Variants in ELMO1 observed in about 807,000 individuals in gnomAD.
ELMO1 encodes the protein engulfment and cell motility protein 1.
In ELMO1, 26 loss-of-function variants were observed where a neutral mutation model predicts 98.9. The observed-to-expected ratio is 0.26, with a 90% CI of 0.19 to 0.36. ELMO1 has a LOEUF of 0.36. Ranked by LOEUF, ELMO1 falls within the 10% of genes least tolerant of loss-of-function variation. ELMO1 has a pLI of 1.00. For missense variants in ELMO1, 627 were observed against 935.2 expected (o/e 0.67, Z 4.30); for synonymous variants, 346 against 346.0 (o/e 1.00, Z 0.00).
intron 14 of ELMO1, among the ~76,000 whole-genome samples, chr7:37,119,073 G>A (rs1444737748): frequency 6.6e-6 from 1 of 152,182 alleles, no homozygotes; most frequent in Admixed American, 6.5e-5. Context: ...AATGCAAACA[G>A]TAACAGTGGC....
At chr7:37,112,017 G>C (rs1785279207) in intron 14 of ELMO1, among the ~76,000 whole-genome samples, 1 of 152,074 alleles carries the variant, frequency 6.6e-6, no homozygotes, top group Non-Finnish European at 1.5e-5. Context: ...CAAGGAAAAA[G>C]AGATTCCTTC....
chr7:36,962,939 T>C (rs1221014427), intron 16 of ELMO1, among the ~76,000 whole-genome samples: 1 of 151,728 alleles, frequency 6.6e-6, no homozygotes, highest in Admixed American at 6.6e-5. Flanking sequence ...AGTGAGAAAA[T>C]TGGAAAAGTG....
intron 17 of ELMO1, among the ~76,000 whole-genome samples, chr7:36,891,207 A>G: frequency 6.6e-6 from 1 of 152,186 alleles, no homozygotes; most frequent in East Asian, 1.9e-4. Context: ...TCTCCCTACT[A>G]AAATATAATC....
intron 16 of ELMO1, among the ~76,000 whole-genome samples, chr7:36,961,310 CA>C (rs889055975): frequency 2.0e-5 from 3 of 152,030 alleles, no homozygotes; most frequent in Admixed American, 2.0e-4. Context: ...CACGGGGACA[CA>C]GTATGAATAA....
chr7:36,936,409 T>C (rs1282907544), intron 16 of ELMO1, among the ~76,000 whole-genome samples: 2 of 152,222 alleles, frequency 1.3e-5, no homozygotes, highest in South Asian at 2.1e-4. Context: ...GAATTCTACC[T>C]TAGTCTGGCT....
intron 16 of ELMO1, among the ~76,000 whole-genome samples, chr7:36,960,626 CTTCT>C (rs530554251): frequency 1.2e-3 from 181 of 151,804 alleles, no homozygotes; most frequent in African/African-American, 4.1e-3. Context: ...CCCCTTAAAC[CTTCT>C]TTATTTTTTT....
At chr7:37,044,533 G>T (rs1298114048) in intron 15 of ELMO1, among the ~76,000 whole-genome samples, 1 of 152,172 alleles carries the variant, frequency 6.6e-6, no homozygotes, top group Non-Finnish European at 1.5e-5. Flanking sequence ...TTGAGGTGGT[G>T]ACCAGCCCTC....
intron 13 of ELMO1, among the ~76,000 whole-genome samples, chr7:37,178,822 CAA>C (rs1790661682): frequency 6.6e-6 from 1 of 152,074 alleles, no homozygotes; most frequent in African/African-American, 2.4e-5. Flanking sequence ...GAACAGTCTA[CAA>C]AACACATGAC....
chr7:37,076,856 T>C (rs967237003), intron 15 of ELMO1, among the ~76,000 whole-genome samples: 1 of 152,244 alleles, frequency 6.6e-6, no homozygotes, highest in Non-Finnish European at 1.5e-5. Flanking sequence ...AGGATGATAG[T>C]GACAGGCAAT....
intron 16 of ELMO1, among the ~76,000 whole-genome samples, chr7:36,904,136 TC>T (rs1380897708): frequency 6.6e-6 from 1 of 152,208 alleles, no homozygotes; most frequent in Non-Finnish European, 1.5e-5. Flanking sequence ...TGGTCAGTGT[TC>T]CCAGAATCTC....
At chr7:36,943,662 T>C (rs747325362) in intron 16 of ELMO1, among the ~76,000 whole-genome samples, 1 of 152,260 alleles carries the variant, frequency 6.6e-6, no homozygotes, top group Non-Finnish European at 1.5e-5. Flanking sequence ...AAGTGTATTA[T>C]ATGCCTCTAA....
intron 5 of ELMO1, among the ~76,000 whole-genome samples, chr7:37,266,362 A>G (rs1182150054): frequency 6.6e-6 from 1 of 152,198 alleles, no homozygotes; most frequent in Admixed American, 6.5e-5. Context: ...GCCAGAGGGA[A>G]TAAGACCCAA....
intron 20 of ELMO1, among the ~76,000 whole-genome samples, chr7:36,864,786 T>A (rs1562780371): frequency 6.6e-6 from 1 of 152,234 alleles, no homozygotes; most frequent in Non-Finnish European, 1.5e-5. Context: ...TTGTTGCTCA[T>A]GACCGAAGCT....
chr7:36,958,773 T>C (rs559323099), intron 16 of ELMO1, among the ~76,000 whole-genome samples: 16 of 152,186 alleles, frequency 1.1e-4, no homozygotes, highest in African/African-American at 3.9e-4. Flanking sequence ...GCTAGGTTTT[T>C]TTCATCTTCT....
intron 2 of ELMO1, among the ~76,000 whole-genome samples, chr7:37,321,716 CAAAAAA>C (rs565421716): frequency 0.44 from 29,066 of 65,822 alleles, 3,438 homozygotes; most frequent in East Asian, 0.62. Flanking sequence ...GACTCCGTCT[CAAAAAA>C]AAAAAAAAAA....
At chr7:37,373,540 T>C (rs1014252110) in intron 1 of ELMO1, among the ~76,000 whole-genome samples, 3 of 149,240 alleles carry the variant, frequency 2.0e-5, no homozygotes, top group African/African-American at 7.4e-5. Context: ...ACCCAGGAGG[T>C]GGGGGTTGTG....
intron 16 of ELMO1, among the ~76,000 whole-genome samples, chr7:36,995,380 C>T (rs1427625788): frequency 6.6e-6 from 1 of 152,010 alleles, no homozygotes; most frequent in East Asian, 1.9e-4. Context: ...TGGTGGTGCA[C>T]ACCTTTAGTC....
At chr7:37,263,273 T>C (rs1044987085) in intron 5 of ELMO1, among the ~76,000 whole-genome samples, 4 of 150,600 alleles carry the variant, frequency 2.7e-5, no homozygotes, top group African/African-American at 9.7e-5. Context: ...ATTTTATATA[T>C]ATAAATATAT....
At chr7:36,926,724 G>C (rs1328020675) in intron 16 of ELMO1, among the ~76,000 whole-genome samples, 1 of 152,164 alleles carries the variant, frequency 6.6e-6, no homozygotes, top group African/African-American at 2.4e-5. Flanking sequence ...AATAACATAA[G>C]ATCTGATACT....
Sources: allele counts gnomAD v4.1 joint callset (sites outside exome capture counted in the v4.1 genomes callset), GRCh38; gene constraint gnomAD v4.1.1; transcripts MANE v1.5; gene names NCBI Gene and HGNC (gene_info 2026-07-23, HGNC 2026-07-21).